The following IL7R variants were observed in gnomAD, a reference collection of about 807,000 sequenced individuals.
IL7R encodes interleukin-7 receptor subunit alpha.
A neutral mutation model predicts 47.0 loss-of-function variants in IL7R; 38 were observed. The ratio of observed to expected loss-of-function variants is 0.81; its 90% CI spans 0.62 to 1.06. The LOEUF is 1.06. Among genes scored for constraint, IL7R ranks in the 50% least tolerant of loss-of-function variants. The probability of loss-of-function intolerance (pLI) is 0.00; values close to 1 mark genes in which losing one functional copy is unlikely to be tolerated. For missense variants in IL7R, 633 were observed against 534.8 expected, an observed-to-expected ratio of 1.18 and a Z score of -1.81; for synonymous variants, 221 against 199.8, an observed-to-expected ratio of 1.11 and a Z score of -0.89.
At chr5:35,867,214 G>A (rs1195531132) in intron 2 of IL7R, 92 bp from the exon 3 acceptor site, 6 of 1,194,002 alleles carry the variant, frequency 5.0e-6, no homozygotes, top group Non-Finnish European at 7.5e-6. Context: ...CAGAGTTAAA[G>A]TCAAACATAC....
intron 1 of IL7R, among the ~76,000 whole-genome samples, chr5:35,860,067 CAA>C (rs34227144): frequency 2.8e-5 from 4 of 141,846 alleles, no homozygotes; most frequent in East Asian, 2.0e-4. Context: ...AAAGTAATAG[CAA>C]AAAAAAAAAA....
At chr5:35,870,391 G>A (rs941601186) in intron 3 of IL7R, among the ~76,000 whole-genome samples, 1 of 152,194 alleles carries the variant, frequency 6.6e-6, no homozygotes, top group African/African-American at 2.4e-5. Flanking sequence ...ATTCTGGAAG[G>A]TCTTAGCCAG....
At chr5:35,865,092 T>G (rs11567723) in intron 2 of IL7R, among the ~76,000 whole-genome samples, 1 of 152,128 alleles carries the variant, frequency 6.6e-6, no homozygotes, top group Non-Finnish European at 1.5e-5. Flanking sequence ...GTATATCTCC[T>G]AATGCTATCC....
intron 1 of IL7R, 91 bp from the exon 2 acceptor site, chr5:35,860,761 A>C: frequency 8.0e-7 from 1 of 1,255,908 alleles, no homozygotes; most frequent in East Asian, 2.3e-5. Flanking sequence ...CATGTCTGCC[A>C]CAGAGTCTGC....
At chr5:35,874,644 C>A in intron 6 of IL7R, 102 bp downstream of exon 6, 2 of 905,904 alleles carry the variant, frequency 2.2e-6, no homozygotes, top group South Asian at 2.6e-5. Flanking sequence ...GGGATTAAGG[C>A]ATTTCACGAA....
chr5:35,867,480 A>G lies in IL7R; in HGVS notation c.379+17A>G. 6 of 1,607,618 alleles carry G rather than the reference A, an allele frequency of 3.7e-6. No homozygotes were observed. The highest frequency in any genetic ancestry group is 5.1e-6 in the Non-Finnish European group (6 of 1,176,416). On this transcript the variant is annotated intron_variant, in intron 3 of 7. Transcript: ENST00000303115. ...CCACTATAGGTAAGAAGTTGTATAT[A>G]AAAGTATGGTTGTCACTTTTGGGCT...
At chr5:35,870,205 T>C (rs957286975) in intron 3 of IL7R, among the ~76,000 whole-genome samples, 4 of 152,208 alleles carry the variant, frequency 2.6e-5, no homozygotes, top group African/African-American at 9.6e-5. Flanking sequence ...AGGAAATCAA[T>C]ACCTTTCTCT....
chr5:35,874,571 G>A (rs537432422), intron 6 of IL7R, 29 bp downstream of exon 6: 2 of 1,427,640 alleles, frequency 1.4e-6, no homozygotes, highest in East Asian at 2.3e-5. Flanking sequence ...TAAAGAGGGT[G>A]ATTGTGTGGG....
chr5:35,860,437 A>G (rs1759772019), intron 1 of IL7R, among the ~76,000 whole-genome samples: 1 of 152,188 alleles, frequency 6.6e-6, no homozygotes, highest in African/African-American at 2.4e-5. Flanking sequence ...AAGTGAGATT[A>G]GGTAGCATGG....
At chr5:35,860,067 C>CAA (rs34227144) in intron 1 of IL7R, among the ~76,000 whole-genome samples, 35 of 141,884 alleles carry the variant, frequency 2.5e-4, no homozygotes, top group East Asian at 1.6e-3. Context: ...AAAGTAATAG[C>CAA]AAAAAAAAAA....
intron 2 of IL7R, 63 bp from the exon 3 acceptor site, chr5:35,867,243 C>G: frequency 7.0e-7 from 1 of 1,422,676 alleles, no homozygotes; most frequent in Non-Finnish European, 9.9e-7. Flanking sequence ...GCATATGATA[C>G]TATTCCACTG....
intron 7 of IL7R, 114 bp from the exon 8 acceptor site, chr5:35,875,869 G>T: frequency 8.5e-7 from 1 of 1,172,758 alleles, no homozygotes; most frequent in Non-Finnish European, 1.3e-6. Flanking sequence ...GAACATGCTG[G>T]CAATTCTGTG....
At chr5:35,869,195 C>T (rs987661713) in intron 3 of IL7R, among the ~76,000 whole-genome samples, 13 of 152,198 alleles carry the variant, frequency 8.5e-5, no homozygotes, top group African/African-American at 2.4e-4. Flanking sequence ...ACTGCCACCA[C>T]CTGCACCCTC....
chr5:35,875,815 T>A, intron 7 of IL7R, 168 bp from the exon 8 acceptor site: 9 of 829,086 alleles, frequency 1.1e-5, no homozygotes, highest in Non-Finnish European at 1.6e-5. Context: ...TCACTTCAAG[T>A]CTTGAAGTGT....
chr5:35,872,292 G>C (rs958968363), intron 4 of IL7R, among the ~76,000 whole-genome samples: 1 of 152,086 alleles, frequency 6.6e-6, no homozygotes, highest in Non-Finnish European at 1.5e-5. Context: ...TCCGCCTCCC[G>C]GGTTCAAGCA....
rs754784201 is a variant in IL7R, at chr5:35,867,428, G to GTCTA, written c.345_348dup (p.Thr117SerfsTer13). On this transcript the variant is annotated frameshift_variant, in exon 3 of 8. Transcript: ENST00000303115. LOFTEE classifies it high-confidence loss of function. ...ATATGTGTGAAGGTTGGAGAAAAGA[G>GTCTA]TCTAACCTGCAAAAAAATAGACCTA... is the stretch of plus-strand genomic sequence containing the variant. 1 of 1,613,368 alleles carries GTCTA rather than the reference G, an allele frequency of 6.2e-7. No individual in the cohort carries two copies. Among genetic ancestry groups the GTCTA allele is most frequent in the South Asian group, 1.1e-5 (1 of 91,048 alleles).
rs1760197039 is a variant in IL7R at position 35,876,018 on chromosome 5, G to C, written c.912G>C (p.Leu304=). The C allele has an allele frequency of 2.5e-6, 4 of 1,613,738 alleles. No homozygotes were observed. In the Admixed American group the frequency reaches 6.7e-5, roughly 27 times the overall value. ...LNVSFNPESF[L]DCQIHRVDDI... is the part of the protein sequence containing the mutation. ...TGAGTTTCAATCCTGAAAGTTTCCT[G>C]GACTGCCAGATTCATAGGGTGGATG... Residue 304 remains leucine (L), a synonymous_variant, in exon 8 of 8, where the codon CTG becomes CTC. Transcript: ENST00000303115.
intron 3 of IL7R, among the ~76,000 whole-genome samples, chr5:35,869,027 A>G (rs1306500913): frequency 6.6e-6 from 1 of 152,160 alleles, no homozygotes; most frequent in Non-Finnish European, 1.5e-5. Flanking sequence ...TCTTGGGGCT[A>G]TGGCAAGCAC....
At chr5:35,875,315 G>T (rs946683727) in intron 6 of IL7R, 197 bp from the exon 7 acceptor site, 2 of 647,010 alleles carry the variant, frequency 3.1e-6, no homozygotes, top group Non-Finnish European at 5.6e-6. Context: ...GTGGTCTCTG[G>T]TCCAACCCCT....
Sources: allele counts gnomAD v4.1 joint callset (sites outside exome capture counted in the v4.1 genomes callset), GRCh38; gene constraint gnomAD v4.1.1; transcripts MANE v1.5; gene names NCBI Gene and HGNC (gene_info 2026-07-23, HGNC 2026-07-21).